TRHDE: variants seen among roughly 807,000 people sequenced by gnomAD.
TRHDE encodes thyrotropin-releasing hormone-degrading ectoenzyme.
TRHDE carries 72 observed loss-of-function variants against 125.7 expected under a neutral mutation model. That is an observed-to-expected ratio of 0.57 (90% CI 0.47 to 0.70). TRHDE has a LOEUF of 0.70. Ranked by LOEUF, TRHDE falls within the 30% of genes least tolerant of loss-of-function variation. TRHDE has a pLI of 0.00. For synonymous variants in TRHDE, 509 were observed against 509.1 expected (o/e 1.00, Z 0.00); for missense variants, 1,110 against 1,327.1 (o/e 0.84, Z 2.54).
Position 72,286,302 on chromosome 12 carries a change from G to A in TRHDE, c.915-379G>A, listed in dbSNP as rs1384771682. Among the ~76,000 whole-genome samples, 7 of 152,134 alleles carry A rather than the reference G, an allele frequency of 4.6e-5. No individual in the cohort carries two copies. The East Asian group carries it at 5.8e-4, about 13-fold the overall frequency. On this transcript the variant is annotated intron_variant, in intron 1 of 18. Coordinates refer to ENST00000261180, the MANE Select transcript of TRHDE (RefSeq NM_013381.3). ...AGGATAATTTTTGGATTTTGGTTTC[G>A]TTGTCTTTACATGTTGTGCAGCTTC...
intron 14 of TRHDE, 166 bp downstream of exon 14, chr12:72,621,371 C>T (rs1873045798): frequency 3.3e-6 from 2 of 599,144 alleles, no homozygotes; most frequent in African/African-American, 1.9e-5. Context: ...TTTCCATTGC[C>T]TGATCCTGAG....
chr12:72,372,341 G>T (rs1460356852), intron 2 of TRHDE, among the ~76,000 whole-genome samples: 4 of 151,850 alleles, frequency 2.6e-5, no homozygotes, highest in Non-Finnish European at 5.9e-5. Flanking sequence ...TTTGTAGGTT[G>T]CCTGTTCACT....
At chr12:72,130,013 C>T (rs188850903) in intron 2 of TRHDE, among the ~76,000 whole-genome samples, 4 of 152,218 alleles carry the variant, frequency 2.6e-5, no homozygotes, top group Admixed American at 2.0e-4. Flanking sequence ...TTAAAGATTA[C>T]GTTTTAGACT....
rs187326781 is a variant in TRHDE at position 72,299,003 on chromosome 12, G to A, written c.1188+12049G>A. Among the ~76,000 whole-genome samples the A allele has an allele frequency of 1.3e-3, 197 of 152,204 alleles. 1 individual carries two copies. The highest frequency in any genetic ancestry group is 4.6e-3 in the African/African-American group (191 of 41,504). On this transcript the variant is annotated intron_variant, in intron 2 of 18. Coordinates refer to ENST00000261180, the MANE Select transcript of TRHDE (RefSeq NM_013381.3). ...TGCACCAAATGTGTTGCAGTACAGA[G>A]AAGAATCTCTGGGTGACCATGATAC...
At chr12:72,484,305 AG>A (rs1175804347) in intron 5 of TRHDE, among the ~76,000 whole-genome samples, 1 of 152,202 alleles carries the variant, frequency 6.6e-6, no homozygotes, top group Non-Finnish European at 1.5e-5. Context: ...TTTAGCATGC[AG>A]GAAAATATTC....
Position 72,653,063 on chromosome 12 carries a change from C to A in TRHDE, c.2891C>A (p.Ala964Glu). The A allele has an allele frequency of 6.2e-7, 1 of 1,607,040 alleles. No homozygotes were observed. Among genetic ancestry groups the A allele is most frequent in the Non-Finnish European group, 8.5e-7 (1 of 1,175,886 alleles). ...TCTGAGGTGGTGCTGGATCAAGATGCAATTGATGTCATAATCCATGTAGCT... is the reference window on the plus strand; with the variant it reads ...TCTGAGGTGGTGCTGGATCAAGATGAAATTGATGTCATAATCCATGTAGCT... ...LNSEVVLDQD[A>E]IDVIIHVARN... The change falls in exon 17 of 19, where the codon GCA (alanine) becomes GAA (glutamate). Residue 964 changes from alanine (A) to glutamate (E), a missense_variant. Physicochemically the swap from Ala to Glu is moderately radical, Grantham distance 107. Around this residue, in one of 5 missense-constraint regions of TRHDE, gnomAD observed 527 missense variants for 651.8 expected, o/e 0.81. Coordinates refer to ENST00000261180, the MANE Select transcript of TRHDE (RefSeq NM_013381.3).
intron 2 of TRHDE, among the ~76,000 whole-genome samples, chr12:72,348,368 C>T (rs1281878572): frequency 1.3e-5 from 2 of 151,942 alleles, no homozygotes; most frequent in Admixed American, 6.6e-5. Context: ...CTGCATCACC[C>T]TGGACCACTG....
intron 2 of TRHDE, among the ~76,000 whole-genome samples, chr12:72,335,026 A>C (rs1306207146): frequency 6.6e-6 from 1 of 152,190 alleles, no homozygotes; most frequent in Non-Finnish European, 1.5e-5. Context: ...GAGGGTAGGC[A>C]GGAGAGATGC....
Position 72,526,723 on chromosome 12 carries a change from A to T in TRHDE, c.1723-15568A>T, listed in dbSNP as rs550913389. The stretch of plus-strand genomic sequence containing the variant: ...GTTTCAGCTGAATGTAGAGTGAGTG[A>T]GGTGTGTCTGCACAAGGATATCTGA... On this transcript the variant is annotated intron_variant, in intron 6 of 18. Transcript: ENST00000261180. Among the ~76,000 whole-genome samples, 21 of 152,238 alleles carry T rather than the reference A, an allele frequency of 1.4e-4. No homozygotes were observed. In the East Asian group the frequency reaches 2.3e-3, roughly 17 times the overall value.
At chr12:72,488,661 G>T (rs1877520923) in intron 5 of TRHDE, among the ~76,000 whole-genome samples, 1 of 151,920 alleles carries the variant, frequency 6.6e-6, no homozygotes, top group Admixed American at 6.6e-5. Context: ...GAACCTAGTA[G>T]ACATATATGG....
chr12:72,125,589 T>A (rs1346491862), intron 2 of TRHDE, among the ~76,000 whole-genome samples: 1 of 152,226 alleles, frequency 6.6e-6, no homozygotes, highest in Non-Finnish European at 1.5e-5. Context: ...TCATTGTTCA[T>A]ACACTTACAT....
At chr12:72,611,294 T>A (rs1872624581) in intron 12 of TRHDE, 1 of 155,996 alleles carries the variant, frequency 6.4e-6, no homozygotes, top group Admixed American at 6.5e-5. Context: ...GTGTTCATTA[T>A]GCCAAACAGA....
In TRHDE at chr12:72,630,554, C is replaced by T. The variant is rs149163084; in HGVS notation, c.2675+8803C>T. Among the ~76,000 whole-genome samples the T allele has an allele frequency of 2.8e-3, 425 of 151,846 alleles. 1 individual carries two copies. The highest frequency in any genetic ancestry group is 9.3e-3 in the African/African-American group (387 of 41,490). On this transcript the variant is annotated intron_variant, in intron 15 of 18. Transcript: ENST00000261180. ...TTGGCAGCTCTAGAAAACTAATGCA[C>T]ACACCTTCAGTCTCTGCCTTATATT...
At chr12:72,175,740 T>A (rs1876973246) in intron 2 of TRHDE, among the ~76,000 whole-genome samples, 1 of 152,194 alleles carries the variant, frequency 6.6e-6, no homozygotes, top group Admixed American at 6.5e-5. Context: ...CCAATGCAAA[T>A]ATTACTAAGG....
chr12:72,349,558 G>GT (rs144999690), intron 2 of TRHDE, among the ~76,000 whole-genome samples: 16,221 of 151,682 alleles, frequency 0.11, 973 homozygotes, highest in Admixed American at 0.16. Flanking sequence ...TTTTGGGCGG[G>GT]GGGGTGGTGT....
chr12:72,179,836 G>A (rs1877060296), intron 2 of TRHDE, among the ~76,000 whole-genome samples: 1 of 152,022 alleles, frequency 6.6e-6, no homozygotes. Context: ...ACAAATCATA[G>A]CCTAATTTCC....
At chr12:72,206,426 G>C (rs568023726) in intron 2 of TRHDE, among the ~76,000 whole-genome samples, 4 of 152,144 alleles carry the variant, frequency 2.6e-5, no homozygotes, top group Non-Finnish European at 5.9e-5. Flanking sequence ...TCTTGGATTT[G>C]AGTTAGTTGT....
At chr12:72,628,281 G>A (rs1873342390) in intron 15 of TRHDE, among the ~76,000 whole-genome samples, 1 of 151,874 alleles carries the variant, frequency 6.6e-6, no homozygotes, top group African/African-American at 2.4e-5. Context: ...AATTTGACCT[G>A]TCAGTAAAAA....
chr12:72,501,865 G>T (rs886443522), intron 6 of TRHDE, among the ~76,000 whole-genome samples: 17 of 151,988 alleles, frequency 1.1e-4, no homozygotes, highest in African/African-American at 3.9e-4. Flanking sequence ...TTAATATATG[G>T]TGGGTTATTT....
Sources: allele counts gnomAD v4.1 joint callset (sites outside exome capture counted in the v4.1 genomes callset), GRCh38; gene constraint gnomAD v4.1.1; regional missense constraint gnomAD v4.1.1; transcripts MANE v1.5; gene names NCBI Gene and HGNC (gene_info 2026-07-23, HGNC 2026-07-21).